The following AGAP1 variants were observed in gnomAD, a reference collection of about 807,000 sequenced individuals.
The protein encoded by AGAP1 is arf-GAP with GTPase, ANK repeat and PH domain-containing protein 1.
AGAP1 carries 29 observed loss-of-function variants against 105.3 expected under a neutral mutation model. The ratio of observed to expected loss-of-function variants is 0.28; its 90% confidence interval spans 0.21 to 0.38. The LOEUF (loss-of-function observed/expected upper bound fraction) is 0.38. Among genes scored for constraint, AGAP1 ranks in the 10% least tolerant of loss-of-function variants. AGAP1 has a pLI of 1.00. For missense variants in AGAP1, 998 were observed against 1,165.1 expected, an observed-to-expected ratio of 0.86 and a Z score of 2.09; for synonymous variants, 509 against 485.9, an observed-to-expected ratio of 1.05 and a Z score of -0.63.
At chr2:235,829,696 A>G (rs1383878786) in intron 9 of AGAP1, among the ~76,000 whole-genome samples, 1 of 152,222 alleles carries the variant, frequency 6.6e-6, no homozygotes, top group African/African-American at 2.4e-5. Flanking sequence ...TTTGTGGGAA[A>G]TTCTTCAAAC....
chr2:236,103,802 C>T (rs1319010475), intron 16 of AGAP1, among the ~76,000 whole-genome samples: 2 of 152,106 alleles, frequency 1.3e-5, no homozygotes, highest in African/African-American at 2.4e-5. Flanking sequence ...CTCCTGACCT[C>T]GTGGTCTGCC....
At chr2:235,818,916 G>C (rs867285236) in intron 9 of AGAP1, among the ~76,000 whole-genome samples, 50 of 152,122 alleles carry the variant, frequency 3.3e-4, no homozygotes, top group Admixed American at 9.8e-4. Context: ...CAAGTACACA[G>C]TGTACTTTCC....
At chr2:235,587,154 C>G (rs1559269255) in intron 1 of AGAP1, among the ~76,000 whole-genome samples, 1 of 152,186 alleles carries the variant, frequency 6.6e-6, no homozygotes, top group East Asian at 1.9e-4. Context: ...ATAATAGACT[C>G]ACGTTGATTT....
rs142580580 is a variant in AGAP1 at position 235,603,311 on chromosome 2, A to G, written c.164-105868A>G. Among the ~76,000 whole-genome samples the G allele has an allele frequency of 4.6e-3, 705 of 152,288 alleles. 3 individuals are homozygous for G. The highest frequency in any genetic ancestry group is 0.016 in the African/African-American group (679 of 41,544). ...AGCCACTTGGAACTGTGAGTCCATT[A>G]AACCTCTTTTTGTTTATAAATTACC... On this transcript the variant is annotated intron_variant, in intron 1 of 17. Transcript: ENST00000304032.
At chr2:235,926,396 G>T (rs947263771) in intron 11 of AGAP1, among the ~76,000 whole-genome samples, 1 of 152,184 alleles carries the variant, frequency 6.6e-6, no homozygotes, top group Non-Finnish European at 1.5e-5. Flanking sequence ...CTCCATGGGC[G>T]TGTTAACCCA....
intron 1 of AGAP1, among the ~76,000 whole-genome samples, chr2:235,547,657 C>CTAATTTTT (rs1178820821): frequency 4.6e-5 from 7 of 152,198 alleles, no homozygotes; most frequent in Admixed American, 2.0e-4. Flanking sequence ...CCACGCTCAA[C>CTAATTTTT]TAATTTTTGT....
rs367615659 is a variant in AGAP1 at position 235,629,848 on chromosome 2, A to C, written c.164-79331A>C. Among the ~76,000 whole-genome samples, 4 of 129,372 alleles carry C rather than the reference A, an allele frequency of 3.1e-5. No homozygotes were observed. The East Asian group carries it at 6.9e-4, about 22-fold the overall frequency. The allele number at this position is 129,372 out of a possible 152,430, so 84.9% of individuals were successfully genotyped here. ...TACTGCACTCCAGCCTGGGTGACTGAGGGAGACCCTGTCTCAAAAAAAAAA... is the reference window on the plus strand; with the variant it reads ...TACTGCACTCCAGCCTGGGTGACTGCGGGAGACCCTGTCTCAAAAAAAAAA... On this transcript the variant is annotated intron_variant, in intron 1 of 17. Transcript: ENST00000304032.
At chr2:235,987,108 GTTATTTATTTATTTAT>G (rs59663970) in intron 13 of AGAP1, among the ~76,000 whole-genome samples, 2 of 147,692 alleles carry the variant, frequency 1.4e-5, no homozygotes, top group Non-Finnish European at 1.5e-5. Flanking sequence ...GCTTTTTATT[GTTATTTATTTATTTAT>G]TTATTTATTT....
chr2:235,797,783 G>T lies in AGAP1; in HGVS notation c.698G>T (p.Arg233Met). The T allele has an allele frequency of 6.2e-7, 1 of 1,614,198 alleles. No homozygotes were observed. The highest frequency in any genetic ancestry group is 8.5e-7 in the Non-Finnish European group (1 of 1,180,038). The change falls in exon 7 of 18, where the codon AGG becomes ATG. Residue 233 changes from arginine (R) to methionine (M), a missense_variant. Coordinates refer to ENST00000304032, the MANE Select transcript of AGAP1 (RefSeq NM_001037131.3). ...QDVAQKIVAT[R>M]KKQQLSIGPC... ...GTTGCCCAGAAGATTGTTGCCACAA[G>T]GAAGAAGCAGCAGCTGTCCATAGGA...
chr2:235,598,233 G>A (rs542515393), intron 1 of AGAP1, among the ~76,000 whole-genome samples: 20 of 152,284 alleles, frequency 1.3e-4, no homozygotes, highest in African/African-American at 2.6e-4. Context: ...GAGTGGCCCC[G>A]CGATGGAACA....
In AGAP1 at chr2:235,882,401, G is replaced by A. The variant is rs995135232; in HGVS notation, c.1051-944G>A. The A allele has an allele frequency of 1.3e-6, 2 of 1,578,088 alleles. No homozygotes were observed. Among genetic ancestry groups the A allele is most frequent in the South Asian group, 2.2e-5 (2 of 89,342 alleles). On this transcript the variant is annotated intron_variant, in intron 9 of 17. Transcript: ENST00000304032. The surrounding 1 kb of genome is among the most constrained non-coding windows in gnomAD (Gnocchi z 4.6). ...TCCGCTTCTGCCCAGTGGTCTCTTT[G>A]GTCGGCAGGGTGTTCTTCTCCTGCG...
Position 236,096,802 on chromosome 2 carries a change from T to A in AGAP1, c.2115-23390T>A, listed in dbSNP as rs746924924. On this transcript the variant is annotated intron_variant, in intron 16 of 17. Transcript: ENST00000304032. The surrounding 1 kb of genome is among the most constrained non-coding windows in gnomAD (Gnocchi z 4.4). The stretch of plus-strand genomic sequence containing the variant: ...TTTCACCGTGTTGGCCAGGCTGGTC[T>A]CGAGCTCCCAACCTCAAGTGATTCA... Among the ~76,000 whole-genome samples, 13 of 152,006 alleles carry A rather than the reference T, an allele frequency of 8.6e-5. No individual in the cohort carries two copies. Among genetic ancestry groups the A allele is most frequent in the Non-Finnish European group, 1.6e-4 (11 of 68,006 alleles).
chr2:235,715,074 G>A (rs911871260), intron 2 of AGAP1, among the ~76,000 whole-genome samples: 12 of 152,214 alleles, frequency 7.9e-5, no homozygotes, highest in Non-Finnish European at 1.8e-4. Flanking sequence ...CGGGATTACA[G>A]GCGTGAGCCA....
intron 1 of AGAP1, among the ~76,000 whole-genome samples, chr2:235,674,936 C>G (rs538893252): frequency 1.3e-5 from 2 of 151,906 alleles, no homozygotes; most frequent in East Asian, 3.9e-4. Flanking sequence ...ATCCACCCCC[C>G]TCGGTCTGGG....
Position 235,753,507 on chromosome 2 carries a change from C to T in AGAP1, c.673+3019C>T, listed in dbSNP as rs1036032046. Among the ~76,000 whole-genome samples, 6 of 152,216 alleles carry T rather than the reference C, an allele frequency of 3.9e-5. No individual in the cohort carries two copies. The highest frequency in any genetic ancestry group is 2.1e-4 in the South Asian group (1 of 4,822). ...ATCACCTGAGGTCCATAGTTCGAGA[C>T]CAGCCTGGCCACCATGGCGAAATCC... On this transcript the variant is annotated intron_variant, in intron 6 of 17. Coordinates refer to ENST00000304032, the MANE Select transcript of AGAP1 (RefSeq NM_001037131.3). This position sits in a 1 kb window ranked among gnomAD's most constrained non-coding sequence, Gnocchi z 4.5.
At chr2:235,784,707 T>C (rs1956509966) in intron 6 of AGAP1, among the ~76,000 whole-genome samples, 1 of 152,004 alleles carries the variant, frequency 6.6e-6, no homozygotes, top group South Asian at 2.1e-4. Flanking sequence ...GTTAATCATA[T>C]AGAATTTAGA....
Position 235,621,542 on chromosome 2 carries a change from C to G in AGAP1, c.164-87637C>G, listed in dbSNP as rs1946479766. Among the ~76,000 whole-genome samples the G allele has an allele frequency of 6.6e-6, 1 of 152,216 alleles. No homozygotes were observed. The highest frequency in any genetic ancestry group is 6.5e-5 in the Admixed American group (1 of 15,278). ...ATGTGTCAAGGGCCCTGTCACGTCT[C>G]TGAGCCGGCTTCTCTGGGCACTGGC... On this transcript the variant is annotated intron_variant, in intron 1 of 17. Coordinates refer to ENST00000304032, the MANE Select transcript of AGAP1 (RefSeq NM_001037131.3). The surrounding 1 kb of genome is among the most constrained non-coding windows in gnomAD (Gnocchi z 4.1).
rs1947737117 is a variant in AGAP1 at position 235,655,301 on chromosome 2, C to T, written c.164-53878C>T. 6.6e-6 allele frequency among the ~76,000 whole-genome samples: 1 copy of T among 152,138 alleles called. No homozygotes were observed. The highest frequency in any genetic ancestry group is 1.5e-5 in the Non-Finnish European group (1 of 68,038). On this transcript the variant is annotated intron_variant, in intron 1 of 17. Transcript: ENST00000304032. This position sits in a 1 kb window ranked among gnomAD's most constrained non-coding sequence, Gnocchi z 4.3. ...TCACAATTTCGTAGCCTGGTATATGCATTCCTTGTGGTGTGTATTAATAAA... is the reference window on the plus strand; with the variant it reads ...TCACAATTTCGTAGCCTGGTATATGTATTCCTTGTGGTGTGTATTAATAAA...
Position 235,732,407 on chromosome 2 carries a change from G to A in AGAP1, c.311-8556G>A, listed in dbSNP as rs182040898. On this transcript the variant is annotated intron_variant, in intron 3 of 17. Transcript: ENST00000304032. The surrounding 1 kb of genome is among the most constrained non-coding windows in gnomAD (Gnocchi z 4.8). ...GCCGTTTTGATCCTCAGATCTGGAC[G>A]TTTCCATTTTATCTCATATTGTTTC... 3.3e-5 allele frequency among the ~76,000 whole-genome samples: 5 copies of A among 152,160 alleles called. No individual in the cohort carries two copies. Among genetic ancestry groups the A allele is most frequent in the African/African-American group, 9.6e-5 (4 of 41,506 alleles).
Sources: gnomAD v4.1 joint callset for allele counts (sites outside exome capture counted in the v4.1 genomes callset) on GRCh38, gnomAD v4.1.1 for gene constraint, Gnocchi (gnomAD v3.1) non-coding constraint, MANE v1.5 for transcripts, NCBI Gene and HGNC (gene_info 2026-07-23, HGNC 2026-07-21) for gene names.